The following JAM3 variants were observed in gnomAD, a reference collection of about 807,000 sequenced individuals.
JAM3 encodes the protein junctional adhesion molecule 3.
In JAM3, 31 loss-of-function variants were observed where a neutral mutation model predicts 39.4. The ratio of observed to expected loss-of-function variants is 0.79; its 90% CI spans 0.59 to 1.06. JAM3 has a LOEUF of 1.06. JAM3 is among the 50% of genes least tolerant of loss of function. The probability of loss-of-function intolerance (pLI) is 0.00; values close to 1 mark genes in which losing one functional copy is unlikely to be tolerated. For missense variants in JAM3, 455 were observed against 391.4 expected (o/e 1.16, Z -1.37); for synonymous variants, 182 against 148.7 (o/e 1.22, Z -1.63).
rs1256522047 is a variant in JAM3, at chr11:134,151,118, C to G, written c.*1937C>G. The G allele has an allele frequency of 1.3e-5, 2 of 152,386 alleles. No individual in the cohort carries two copies. The highest frequency in any genetic ancestry group is 3.9e-4 in the East Asian group (2 of 5,190). The allele number at this position is 152,386 out of a possible 1,614,324, so 9.4% of individuals were successfully genotyped here. A position where few individuals can be genotyped will look rare whatever the true frequency, so the allele number is the denominator to read the frequency against. On this transcript the variant is annotated 3_prime_UTR_variant, in exon 9 of 9. Transcript: ENST00000299106. ...CTGAGAAGGAGCACTCCACTGTGTG[C>G]CTGGAGAATGGCTCTCACTACTCAC...
intron 1 of JAM3, among the ~76,000 whole-genome samples, chr11:134,138,319 G>A (rs1002931160): frequency 6.9e-6 from 1 of 145,334 alleles, no homozygotes. Flanking sequence ...CAGTGGTGGC[G>A]TCTGGTCGAA....
chr11:134,104,663 T>A (rs1942146532), intron 1 of JAM3, among the ~76,000 whole-genome samples: 1 of 152,020 alleles, frequency 6.6e-6, no homozygotes, highest in African/African-American at 2.4e-5. Flanking sequence ...TAAAAAATGA[T>A]AAAGGAGATA....
chr11:134,069,222 C>T, intron 1 of JAM3, 63 bp downstream of exon 1: 2 of 1,571,930 alleles, frequency 1.3e-6, no homozygotes, highest in African/African-American at 1.4e-5. Flanking sequence ...GCAGAGCGGG[C>T]CGAAGCTGCT....
chr11:134,136,278 C>A (rs1472300980), intron 1 of JAM3, among the ~76,000 whole-genome samples: 3 of 152,136 alleles, frequency 2.0e-5, no homozygotes, highest in African/African-American at 4.8e-5. Flanking sequence ...TCAGTGTGTG[C>A]ACAATTAAAC....
chr11:134,082,499 G>A (rs1941683615), intron 1 of JAM3, among the ~76,000 whole-genome samples: 1 of 152,076 alleles, frequency 6.6e-6, no homozygotes, highest in Non-Finnish European at 1.5e-5. Flanking sequence ...TGGAATCATG[G>A]GGTGGGTCTT....
intron 1 of JAM3, among the ~76,000 whole-genome samples, chr11:134,082,485 A>G (rs1018712410): frequency 1.3e-5 from 2 of 152,042 alleles, no homozygotes; most frequent in African/African-American, 2.4e-5. Flanking sequence ...CCGATGGGAG[A>G]TAATGGAATC....
At chr11:134,131,838 C>T (rs530640891) in intron 1 of JAM3, among the ~76,000 whole-genome samples, 90 of 152,008 alleles carry the variant, frequency 5.9e-4, no homozygotes, top group Non-Finnish European at 1.0e-3. Flanking sequence ...CAGATTGATG[C>T]AGATAGAAGA....
intron 1 of JAM3, among the ~76,000 whole-genome samples, chr11:134,077,840 C>G (rs1303916827): frequency 6.6e-6 from 1 of 151,708 alleles, no homozygotes; most frequent in African/African-American, 2.4e-5. Context: ...TTAGTAGAGA[C>G]AGTGTTTCAC....
chr11:134,103,301 C>A (rs1201711411), intron 1 of JAM3, among the ~76,000 whole-genome samples: 1 of 152,126 alleles, frequency 6.6e-6, no homozygotes, highest in East Asian at 1.9e-4. Flanking sequence ...CCTTTAGAGA[C>A]AAGCAAATGC....
chr11:134,086,943 C>T (rs1430502786), intron 1 of JAM3, among the ~76,000 whole-genome samples: 2 of 151,942 alleles, frequency 1.3e-5, no homozygotes, highest in South Asian at 2.1e-4. Context: ...TAGCTGGGAC[C>T]ACAGGGATGT....
chr11:134,138,856 A>G (rs578142670), intron 1 of JAM3, among the ~76,000 whole-genome samples: 2 of 152,342 alleles, frequency 1.3e-5, no homozygotes, highest in African/African-American at 4.8e-5. Context: ...GAAAAGATCC[A>G]TGTAGCTGGG....
intron 1 of JAM3, among the ~76,000 whole-genome samples, chr11:134,087,907 TTGTGCA>T (rs758368056): frequency 6.6e-6 from 1 of 152,216 alleles, no homozygotes; most frequent in Non-Finnish European, 1.5e-5. Flanking sequence ...GGAGGCTGTC[TTGTGCA>T]TTGTAGGATG....
At position 134,139,880 on chromosome 11, in the gene JAM3, T is replaced by G; in HGVS notation, c.106T>G (p.Ser36Ala). The G allele has an allele frequency of 6.2e-7, 1 of 1,614,074 alleles. No homozygotes were observed. Among genetic ancestry groups the G allele is most frequent in the East Asian group, 2.2e-5 (1 of 44,874 alleles). ...CCTGATAGGGGCTGTAAATCTCAAA[T>G]CCAGCAATCGAACCCCAGTGGTACA... ...GCLIGAVNLK[S>A]SNRTPVVQEF... is the part of the protein sequence containing the mutation. The change falls in exon 2 of 9, where the codon TCC (serine) becomes GCC (alanine). Residue 36 changes from serine (S) to alanine (A), a missense_variant. Transcript: ENST00000299106.
chr11:134,140,734 C>A lies in JAM3; in HGVS notation c.220C>A (p.Gln74Lys). 1.2e-6 allele frequency: 2 copies of A among 1,613,612 alleles called. No homozygotes were observed. The highest frequency in any genetic ancestry group is 1.7e-6 in the Non-Finnish European group (2 of 1,179,798). Residue 74 changes from glutamine (Q) to lysine (K), a missense_variant, in exon 3 of 9, where the codon CAA (glutamine) becomes AAA (lysine). Transcript: ENST00000299106. ...RIEWKKIQDE[Q>K]TTYVFFDNKI... is the part of the protein sequence containing the mutation. ...CGAGTGGAAGAAAATTCAAGATGAA[C>A]AAACCACATATGTGTTTTTTGACAA...
At chr11:134,110,878 A>G (rs1942296100) in intron 1 of JAM3, among the ~76,000 whole-genome samples, 1 of 151,910 alleles carries the variant, frequency 6.6e-6, no homozygotes, top group Admixed American at 6.5e-5. Context: ...TTAAAAGTCC[A>G]AAACCAAAAA....
intron 1 of JAM3, among the ~76,000 whole-genome samples, chr11:134,103,102 C>A (rs542812369): frequency 4.8e-4 from 73 of 152,284 alleles, no homozygotes; most frequent in South Asian, 3.7e-3. Context: ...ATGTTAAGGG[C>A]AGCCAGAGAG....
chr11:134,111,361 C>G (rs1364807323), intron 1 of JAM3, among the ~76,000 whole-genome samples: 1 of 151,972 alleles, frequency 6.6e-6, no homozygotes. Context: ...CCAGCATGGT[C>G]TCAATCTCCT....
chr11:134,092,948 C>T (rs907318031), intron 1 of JAM3, among the ~76,000 whole-genome samples: 16 of 150,138 alleles, frequency 1.1e-4, no homozygotes, highest in African/African-American at 3.5e-4. Flanking sequence ...TTCCATCTTA[C>T]ATGTCACTCC....
chr11:134,096,166 G>A (rs1192882293), intron 1 of JAM3, among the ~76,000 whole-genome samples: 5 of 151,966 alleles, frequency 3.3e-5, no homozygotes, highest in Admixed American at 2.0e-4. Flanking sequence ...TAGTAGAGAC[G>A]GGGTTTCTCC....
Sources: allele counts gnomAD v4.1 joint callset (sites outside exome capture counted in the v4.1 genomes callset), GRCh38; gene constraint gnomAD v4.1.1; transcripts MANE v1.5; gene names NCBI Gene and HGNC (gene_info 2026-07-23, HGNC 2026-07-21).